NRXN3: variants seen among roughly 807,000 people sequenced by gnomAD.
NRXN3 encodes neurexin 3.
A neutral mutation model predicts 137.6 loss-of-function variants in NRXN3; 32 were observed. That is an observed-to-expected ratio of 0.23 (90% CI 0.18 to 0.31). The LOEUF is 0.31. Among genes scored for constraint, NRXN3 ranks in the 10% least tolerant of loss-of-function variants. NRXN3 has a pLI of 1.00. For missense variants in NRXN3, 1,574 were observed against 2,062.5 expected (o/e 0.76, Z 4.59); for synonymous variants, 798 against 784.5 (o/e 1.02, Z -0.29).
chr14:79,746,873 C>G (rs1283574047), intron 19 of NRXN3, among the ~76,000 whole-genome samples: 1 of 152,036 alleles, frequency 6.6e-6, no homozygotes, highest in African/African-American at 2.4e-5. Flanking sequence ...ACTATTTAGA[C>G]AGTTACTTCT....
chr14:79,617,923 A>AAAAAACAAAAAAAAAAAAAAAAAC (rs1268614101), intron 16 of NRXN3, among the ~76,000 whole-genome samples: 1 of 149,758 alleles, frequency 6.7e-6, no homozygotes, highest in African/African-American at 2.5e-5. Context: ...GCAGCAAAAA[A>AAAAAACAAAAAAAAAAAAAAAAAC]AAAAAAAAAC....
intron 4 of NRXN3, among the ~76,000 whole-genome samples, chr14:78,586,592 T>C (rs1373763731): frequency 6.6e-6 from 1 of 152,200 alleles, no homozygotes; most frequent in East Asian, 1.9e-4. Context: ...GGCTCTGTAC[T>C]GGAGACAAAT....
intron 15 of NRXN3, among the ~76,000 whole-genome samples, chr14:79,049,781 G>A (rs1568114274): frequency 6.6e-6 from 1 of 151,824 alleles, no homozygotes; most frequent in Non-Finnish European, 1.5e-5. Flanking sequence ...GAAATGAAGT[G>A]CAATAAGATG....
At chr14:78,298,049 C>T (rs2076521976) in intron 4 of NRXN3, among the ~76,000 whole-genome samples, 189 bp downstream of exon 4, 3 of 152,192 alleles carry the variant, frequency 2.0e-5, no homozygotes, top group Admixed American at 2.0e-4. Context: ...CGTGGTTTCC[C>T]ACCCCTATTG....
rs910089873 is a variant in NRXN3, at chr14:78,626,935, AC to A, written c.758-18183del. 2.3e-4 allele frequency among the ~76,000 whole-genome samples: 35 copies of A among 152,246 alleles called. No individual in the cohort carries two copies. The East Asian group carries it at 5.0e-3, about 22-fold the overall frequency. On this transcript the variant is annotated intron_variant, in intron 4 of 20. Transcript: ENST00000335750. ...TTTCTTGTCCTCTTTATTTTCCCCT[AC>A]CAGCATGGCTCTCAGATTTATTAAC...
At chr14:78,677,488 A>G (rs973518180) in intron 6 of NRXN3, among the ~76,000 whole-genome samples, 2 of 152,126 alleles carry the variant, frequency 1.3e-5, no homozygotes, top group Admixed American at 6.6e-5. Context: ...ATCTCATGAT[A>G]AAACTTGTAT....
chr14:78,815,168 T>C (rs1277578442), intron 10 of NRXN3, among the ~76,000 whole-genome samples: 1 of 152,162 alleles, frequency 6.6e-6, no homozygotes, highest in Non-Finnish European at 1.5e-5. Context: ...CCCACTAATT[T>C]CTCTGTGACA....
chr14:78,650,181 G>T (rs1207600513), intron 5 of NRXN3, among the ~76,000 whole-genome samples: 3 of 151,952 alleles, frequency 2.0e-5, no homozygotes, highest in Non-Finnish European at 2.9e-5. Context: ...CTTCCATCTT[G>T]TTCTTCGGTT....
chr14:79,803,192 G>A (rs1048081006), intron 19 of NRXN3, among the ~76,000 whole-genome samples: 1 of 151,968 alleles, frequency 6.6e-6, no homozygotes, highest in African/African-American at 2.4e-5. Context: ...TATCTAATGT[G>A]GTTTTTCCAG....
intron 19 of NRXN3, among the ~76,000 whole-genome samples, chr14:79,742,407 TGTTA>T (rs546803267): frequency 5.3e-5 from 8 of 152,226 alleles, no homozygotes; most frequent in South Asian, 4.2e-4. Flanking sequence ...GTAAGATGTG[TGTTA>T]GTTAGACACC....
chr14:78,924,670 C>A (rs1472532948), intron 10 of NRXN3, among the ~76,000 whole-genome samples: 3 of 151,298 alleles, frequency 2.0e-5, no homozygotes, highest in Non-Finnish European at 2.9e-5. Context: ...CTAGTAATTT[C>A]AAAAAAAAGT....
At chr14:78,474,973 T>C (rs1413858844) in intron 4 of NRXN3, among the ~76,000 whole-genome samples, 27 of 152,210 alleles carry the variant, frequency 1.8e-4, no homozygotes, top group Non-Finnish European at 4.4e-5. Context: ...GGGTCTAGTG[T>C]ACCCCAGGTG....
At chr14:79,706,700 G>A (rs938876929) in intron 19 of NRXN3, among the ~76,000 whole-genome samples, 3 of 152,062 alleles carry the variant, frequency 2.0e-5, no homozygotes, top group East Asian at 1.9e-4. Flanking sequence ...GCTGCTCTCC[G>A]ATAAATTAAA....
intron 15 of NRXN3, among the ~76,000 whole-genome samples, chr14:79,306,676 T>A (rs2153225964): frequency 6.6e-6 from 1 of 152,168 alleles, no homozygotes; most frequent in South Asian, 2.1e-4. Context: ...GATGCTAGCT[T>A]TCTACTTTTC....
chr14:78,645,623 C>T (rs2097679167), intron 5 of NRXN3, among the ~76,000 whole-genome samples: 1 of 146,502 alleles, frequency 6.8e-6, no homozygotes, highest in Non-Finnish European at 1.5e-5. Context: ...AATTCTCTCT[C>T]TGTGCTTGTT....
At chr14:78,377,523 G>C (rs536841758) in intron 4 of NRXN3, among the ~76,000 whole-genome samples, 9 of 152,340 alleles carry the variant, frequency 5.9e-5, no homozygotes, top group African/African-American at 2.2e-4. Context: ...AATCAGCAAG[G>C]ATAAATGTAT....
At chr14:79,418,540 A>C (rs1262829376) in intron 15 of NRXN3, among the ~76,000 whole-genome samples, 3 of 152,188 alleles carry the variant, frequency 2.0e-5, no homozygotes, top group Non-Finnish European at 2.9e-5. Context: ...AGTCTGATAA[A>C]AAGTCACATC....
chr14:78,589,880 C>G lies in NRXN3; in HGVS notation c.758-55240C>G, dbSNP rs118052017. ...TGATTTAAGTTTCAAATTGCTTGAACCCAGGAGGCGGAGGTTGTAGTGAGC... is the reference window on the plus strand; with the variant it reads ...TGATTTAAGTTTCAAATTGCTTGAAGCCAGGAGGCGGAGGTTGTAGTGAGC... On this transcript the variant is annotated intron_variant, in intron 4 of 20. Coordinates refer to ENST00000335750, the MANE Select transcript of NRXN3 (RefSeq NM_001330195.2). 6.6e-3 allele frequency among the ~76,000 whole-genome samples: 1,000 copies of G among 152,274 alleles called. 5 individuals are homozygous for G. Among genetic ancestry groups the G allele is most frequent in the Non-Finnish European group, 0.01 (701 of 68,028 alleles).
intron 4 of NRXN3, among the ~76,000 whole-genome samples, chr14:78,456,590 G>A (rs11625544): frequency 0.28 from 42,297 of 151,724 alleles, 7,453 homozygotes; most frequent in Non-Finnish European, 0.37. Context: ...TTCTTCATCC[G>A]GCTTTCTCTT....
Sources: allele counts gnomAD v4.1 joint callset (sites outside exome capture counted in the v4.1 genomes callset), GRCh38; gene constraint gnomAD v4.1.1; transcripts MANE v1.5; gene names NCBI Gene and HGNC (gene_info 2026-07-23, HGNC 2026-07-21).